STAP2: variants seen among roughly 807,000 people sequenced by gnomAD.
STAP2 encodes signal transducing adaptor family member 2, also known as signal-transducing adaptor protein 2.
Under a neutral mutation model 52.7 loss-of-function variants are expected in STAP2, and 58 were observed. The ratio of observed to expected loss-of-function variants is 1.10; its 90% CI spans 0.89 to 1.37. The LOEUF (loss-of-function observed/expected upper bound fraction) is 1.37. STAP2 is among the 40% of genes most tolerant of loss of function. The pLI is 0.00. For synonymous variants in STAP2, 231 were observed against 210.5 expected, an observed-to-expected ratio of 1.10 and a Z score of -0.84; for missense variants, 522 against 519.4, an observed-to-expected ratio of 1.00 and a Z score of -0.05.
At position 4,338,729 on chromosome 19, in the gene STAP2, G is replaced by C; in HGVS notation, c.25C>G (p.Arg9Gly). MASALRPP[R>G]VPKPKGVLPS... ...AGGACACCCTTAGGCTTGGGGACAC[G>C]GGGTGGCCTCAGGGCAGAGGCCATG... The change falls in exon 1 of 13, where the codon CGT (arginine) becomes GGT (glycine). Residue 9 changes from arginine (R) to glycine (G), a missense_variant. Coordinates refer to ENST00000594605, the MANE Select transcript of STAP2 (RefSeq NM_001013841.2). 1.2e-6 allele frequency: 2 copies of C among 1,613,404 alleles called. No homozygotes were observed. The highest frequency in any genetic ancestry group is 1.1e-5 in the South Asian group (1 of 90,920).
chr19:4,333,817 C>G lies in STAP2; in HGVS notation c.175-1G>C. 1 of 1,613,896 alleles carries G rather than the reference C, an allele frequency of 6.2e-7. No homozygotes were observed. Among genetic ancestry groups the G allele is most frequent in the East Asian group, 2.2e-5 (1 of 44,872 alleles). On this transcript the variant is annotated splice_acceptor_variant, in intron 2 of 12. Transcript: ENST00000594605. LOFTEE classifies it high-confidence loss of function. ...CTCCCAAGTTGAGCTTCTCCACGTG[C>G]TGGGGGCATAGAAGCAGGGGATCTG...
Position 4,327,384 on chromosome 19 carries a change from T to A in STAP2, c.592A>T (p.Thr198Ser). The change falls in exon 7 of 13, where the codon ACG becomes TCG. Residue 198 changes from threonine to serine, a missense_variant and splice_region_variant. By Grantham distance (58) the Thr-to-Ser change is moderately conservative (BLOSUM62 1). Coordinates refer to ENST00000594605, the MANE Select transcript of STAP2 (RefSeq NM_001013841.2). Reference sequence around the variant, plus strand: ...ACCTTGTAATGCCGGACCACGTGCGTCCTGCACCAGGAGAAAGCGAGTGAG... The same window carrying A: ...ACCTTGTAATGCCGGACCACGTGCGACCTGCACCAGGAGAAAGCGAGTGAG... ...SVTTRQMHNG[T>S]HVVRHYKVKR... 1 of 1,614,092 alleles carries A rather than the reference T, an allele frequency of 6.2e-7. No homozygotes were observed. Among genetic ancestry groups the A allele is most frequent in the Non-Finnish European group, 8.5e-7 (1 of 1,179,986 alleles).
intron 6 of STAP2, 84 bp downstream of exon 6, chr19:4,328,591 C>CCGCCCCTGCTTCTGACCA: frequency 6.6e-7 from 1 of 1,517,860 alleles, no homozygotes; most frequent in Non-Finnish European, 8.9e-7. Flanking sequence ...GGGTCGGACT[C>CCGCCCCTGCTTCTGACCA]CGCCCCTGCT....
At chr19:4,335,364 C>T (rs148571948) in intron 1 of STAP2, among the ~76,000 whole-genome samples, 70 of 151,710 alleles carry the variant, frequency 4.6e-4, no homozygotes, top group African/African-American at 1.6e-3. Context: ...ATCATTCATC[C>T]ATGCACTTGT....
At chr19:4,336,979 G>A (rs1971990409) in intron 1 of STAP2, among the ~76,000 whole-genome samples, 1 of 152,066 alleles carries the variant, frequency 6.6e-6, no homozygotes, top group African/African-American at 2.4e-5. Flanking sequence ...GGCTCTAAAG[G>A]GTTTGTTGGT....
chr19:4,333,539 C>T, intron 3 of STAP2, 155 bp downstream of exon 3: 1 of 861,008 alleles, frequency 1.2e-6, no homozygotes, highest in Non-Finnish European at 1.6e-6. Context: ...CCTCCCATAG[C>T]ACCCAGCTCC....
At chr19:4,336,616 A>G (rs1599556637) in intron 1 of STAP2, among the ~76,000 whole-genome samples, 1 of 131,422 alleles carries the variant, frequency 7.6e-6, no homozygotes, top group Non-Finnish European at 1.6e-5. Context: ...CCCGGCCCCC[A>G]TTATCTTTCT....
chr19:4,333,184 CAAAAAA>C (rs1172639983), intron 3 of STAP2, among the ~76,000 whole-genome samples: 31 of 144,852 alleles, frequency 2.1e-4, no homozygotes, highest in Admixed American at 2.0e-3. Flanking sequence ...GAGCGAAACT[CAAAAAA>C]TAAAAATAAA....
At position 4,333,813 on chromosome 19, in the gene STAP2, C is replaced by T. The variant is rs775080467; in HGVS notation, c.178G>A (p.Val60Met). ...FYNSNRDFQH[V>M]EKLNLGAFEK... Reference sequence around the variant, plus strand: ...AATGCTCCCAAGTTGAGCTTCTCCACGTGCTGGGGGCATAGAAGCAGGGGA... The same window carrying T: ...AATGCTCCCAAGTTGAGCTTCTCCATGTGCTGGGGGCATAGAAGCAGGGGA... The change falls in exon 3 of 13, where the codon GTG (valine) becomes ATG (methionine). Residue 60 changes from valine to methionine, a missense_variant. Physicochemically the swap from Val to Met is conservative, Grantham distance 21. Transcript: ENST00000594605. 2.4e-5 allele frequency: 39 copies of T among 1,613,766 alleles called. No individual in the cohort carries two copies. The highest frequency in any genetic ancestry group is 8.8e-5 in the South Asian group (8 of 91,062).
At chr19:4,328,619 G>C in intron 6 of STAP2, 56 bp downstream of exon 6, 6 of 1,532,982 alleles carry the variant, frequency 3.9e-6, no homozygotes, top group Admixed American at 2.0e-5. Context: ...ACGCCCCCGC[G>C]CCCACCCTCT....
chr19:4,328,730 G>C lies in STAP2; in HGVS notation c.535C>G (p.Pro179Ala). 6.2e-7 allele frequency: 1 copy of C among 1,609,216 alleles called. No homozygotes were observed. The highest frequency in any genetic ancestry group is 8.5e-7 in the Non-Finnish European group (1 of 1,178,522). ...YPECGNLLLR[P>A]SGDGADGVSV... Reference sequence around the variant, plus strand: ...ACGCCGTCGGCGCCGTCCCCGCTGGGCCGCAGCAGCAGGTTCCCGCACTCG... The same window carrying C: ...ACGCCGTCGGCGCCGTCCCCGCTGGCCCGCAGCAGCAGGTTCCCGCACTCG... The change falls in exon 6 of 13, where the codon CCC becomes GCC. Residue 179 changes from proline (P) to alanine (A), a missense_variant. Physicochemically the swap from Pro to Ala is conservative, Grantham distance 27. Coordinates refer to ENST00000594605, the MANE Select transcript of STAP2 (RefSeq NM_001013841.2).
chr19:4,326,942 C>G lies in STAP2; in HGVS notation c.829G>C (p.Gly277Arg). 1.9e-6 allele frequency: 3 copies of G among 1,550,556 alleles called. No individual in the cohort carries two copies. The highest frequency in any genetic ancestry group is 2.6e-6 in the Non-Finnish European group (3 of 1,146,336). Residue 277 changes from glycine to arginine, a missense_variant and splice_region_variant, in exon 9 of 13, where the codon GGT becomes CGT. Transcript: ENST00000594605. Reference protein sequence around the residue: ...VWVAPSAPGPGPAPCTGGPKP... With the variant: ...VWVAPSAPGPRPAPCTGGPKP... ...TCGGCCCGCGGGAAGGGGGCGTCAC[C>G]TGGGCCCGGAGCGGAGGGCGCCACC...
intron 4 of STAP2, among the ~76,000 whole-genome samples, chr19:4,331,083 A>C: frequency 6.6e-6 from 1 of 152,022 alleles, no homozygotes; most frequent in Non-Finnish European, 1.5e-5. Context: ...TAATCCTATC[A>C]CTTTGGGAGG....
rs201193244 is a variant in STAP2, at chr19:4,338,646, C to T, written c.102+6G>A. The T allele has an allele frequency of 1.5e-5, 23 of 1,577,762 alleles. No homozygotes were observed. The East Asian group carries it at 4.8e-4, about 33-fold the overall frequency. On this transcript the variant is annotated splice_donor_region_variant and intron_variant, in intron 1 of 12. Transcript: ENST00000594605. ...AGCAGGGCCAGCCCCCGCCTCCCCA[C>T]CTTACCCGGTCACAGGGCCCCTTCT...
chr19:4,328,889 A>T, intron 5 of STAP2, 80 bp from the exon 6 acceptor site: 2 of 1,530,760 alleles, frequency 1.3e-6, no homozygotes, highest in Middle Eastern at 1.7e-4. Context: ...CTCCTCTGAG[A>T]CCCAGCCCCA....
At chr19:4,333,021 C>G (rs141405840) in intron 3 of STAP2, among the ~76,000 whole-genome samples, 2 of 151,590 alleles carry the variant, frequency 1.3e-5, no homozygotes, top group East Asian at 3.9e-4. Context: ...GAAACCCTGT[C>G]TCTACCAAAA....
intron 8 of STAP2, 43 bp downstream of exon 8, chr19:4,327,081 G>A: frequency 6.2e-7 from 1 of 1,611,532 alleles, no homozygotes; most frequent in Non-Finnish European, 8.5e-7. Flanking sequence ...GGGGGCGGGA[G>A]AGGTGAGCAC....
intron 5 of STAP2, 199 bp from the exon 6 acceptor site, chr19:4,329,008 T>G (rs1243729999): frequency 1.9e-5 from 11 of 582,964 alleles, no homozygotes; most frequent in African/African-American, 6.7e-5. Context: ...GGGTTTTTTG[T>G]TTTTTTTTTG....
At chr19:4,326,708 C>A (rs1237955226) in intron 9 of STAP2, among the ~76,000 whole-genome samples, 1 of 152,130 alleles carries the variant, frequency 6.6e-6, no homozygotes, top group African/African-American at 2.4e-5. Flanking sequence ...TTTTCCTCCA[C>A]CCCAAATTCA....
Sources: allele counts gnomAD v4.1 joint callset (sites outside exome capture counted in the v4.1 genomes callset), GRCh38; gene constraint gnomAD v4.1.1; transcripts MANE v1.5; gene names NCBI Gene and HGNC (gene_info 2026-07-23, HGNC 2026-07-21).